Variants in RANBP10 observed in about 807,000 individuals in gnomAD.
RANBP10 encodes ran-binding protein 10.
Under a neutral mutation model 72.8 loss-of-function variants are expected in RANBP10, and 24 were observed. That is an observed-to-expected ratio of 0.33 (90% CI 0.24 to 0.46). The LOEUF (loss-of-function observed/expected upper bound fraction) is 0.46, where lower values mean the gene tolerates loss of function less well. Among genes scored for constraint, RANBP10 ranks in the 20% least tolerant of loss-of-function variants. RANBP10 has a pLI of 1.00. For missense variants in RANBP10, 679 were observed against 817.5 expected (o/e 0.83, Z 2.07); for synonymous variants, 310 against 322.3 (o/e 0.96, Z 0.41).
intron 3 of RANBP10, among the ~76,000 whole-genome samples, chr16:67,766,643 C>T (rs531389503): frequency 6.6e-6 from 1 of 152,298 alleles, no homozygotes; most frequent in South Asian, 2.1e-4. Flanking sequence ...TCACCAGAAG[C>T]AGATGCTGGA....
At chr16:67,758,596 G>A (rs934186832) in intron 3 of RANBP10, among the ~76,000 whole-genome samples, 2 of 152,164 alleles carry the variant, frequency 1.3e-5, no homozygotes, top group East Asian at 1.9e-4. Context: ...ACTGGTCTCC[G>A]CTCTGCTTCA....
intron 3 of RANBP10, among the ~76,000 whole-genome samples, chr16:67,770,881 G>C (rs962223468): frequency 1.3e-5 from 2 of 152,208 alleles, no homozygotes; most frequent in Non-Finnish European, 2.9e-5. Context: ...GAGCCAACCA[G>C]AAGGTTGAGA....
At chr16:67,776,094 G>A (rs901002406) in intron 2 of RANBP10, among the ~76,000 whole-genome samples, 6 of 149,958 alleles carry the variant, frequency 4.0e-5, no homozygotes, top group Non-Finnish European at 8.9e-5. Context: ...GCAGTGAGCC[G>A]AGATCACACC....
Position 67,796,146 on chromosome 16 carries a change from G to A in RANBP10, c.347+9282C>T, listed in dbSNP as rs2055130805. ...TCGGCCAGGCTGGTTTCAAACTCCT[G>A]ACCTTGTGATCCGCCTGCCTCGGCC... On this transcript the variant is annotated intron_variant, in intron 2 of 13. Transcript: ENST00000317506. Among the ~76,000 whole-genome samples, 3 of 152,004 alleles carry A rather than the reference G, an allele frequency of 2.0e-5. No homozygotes were observed. The South Asian group carries it at 6.2e-4, about 32-fold the overall frequency.
At chr16:67,766,010 A>G (rs1456147932) in intron 3 of RANBP10, among the ~76,000 whole-genome samples, 5 of 152,112 alleles carry the variant, frequency 3.3e-5, no homozygotes, top group African/African-American at 1.2e-4. Context: ...ACCCTGTCTC[A>G]GATAAATAAA....
chr16:67,784,081 AAAGTTATAG>A (rs2054864120), intron 2 of RANBP10, among the ~76,000 whole-genome samples: 1 of 152,054 alleles, frequency 6.6e-6, no homozygotes, highest in Non-Finnish European at 1.5e-5. Flanking sequence ...AAAGGAAAAG[AAAGTTATAG>A]AGCAATATAG....
At chr16:67,797,149 C>A (rs1035081847) in intron 2 of RANBP10, among the ~76,000 whole-genome samples, 1 of 152,234 alleles carries the variant, frequency 6.6e-6, no homozygotes, top group East Asian at 1.9e-4. Context: ...AACAAGGAAT[C>A]TCCCTTACAC....
chr16:67,773,648 G>C (rs2054646462), intron 2 of RANBP10, among the ~76,000 whole-genome samples: 1 of 152,152 alleles, frequency 6.6e-6, no homozygotes, highest in South Asian at 2.1e-4. Flanking sequence ...AACAAGGAAA[G>C]GAAACAACCC....
At chr16:67,739,576 C>G (rs1276946538) in intron 4 of RANBP10, among the ~76,000 whole-genome samples, 1 of 152,060 alleles carries the variant, frequency 6.6e-6, no homozygotes, top group Non-Finnish European at 1.5e-5. Flanking sequence ...CTCTTGAGAA[C>G]AGAAGTTCAA....
intron 3 of RANBP10, among the ~76,000 whole-genome samples, chr16:67,756,406 G>C (rs886290076): frequency 6.6e-6 from 1 of 152,242 alleles, no homozygotes; most frequent in Non-Finnish European, 1.5e-5. Context: ...AGGACACAGG[G>C]GCCAGCTACG....
At chr16:67,802,645 AAATT>A (rs1455683182) in intron 2 of RANBP10, among the ~76,000 whole-genome samples, 4 of 152,186 alleles carry the variant, frequency 2.6e-5, no homozygotes, top group Non-Finnish European at 4.4e-5. Flanking sequence ...GCAAATAAAT[AAATT>A]AATTAATTAA....
At chr16:67,743,024 T>C (rs2053999120) in intron 4 of RANBP10, among the ~76,000 whole-genome samples, 1 of 152,192 alleles carries the variant, frequency 6.6e-6, no homozygotes, top group South Asian at 2.1e-4. Context: ...CTCGGCTGCC[T>C]AGCTACCAAG....
chr16:67,726,262 G>A lies in RANBP10; in HGVS notation c.*166C>T. 1 of 1,009,106 alleles carries A rather than the reference G, an allele frequency of 9.9e-7. No homozygotes were observed. Among genetic ancestry groups the A allele is most frequent in the Non-Finnish European group, 1.4e-6 (1 of 694,924 alleles). The allele number at this position is 1,009,106 out of a possible 1,614,324, so 62.5% of individuals were successfully genotyped here. On this transcript the variant is annotated 3_prime_UTR_variant, in exon 14 of 14. Transcript: ENST00000317506. ...AGAGAGAGACTGAGCGGGGTGGTGG[G>A]CAGAGAAAGGAAGGAAGGAAGGAAA...
intron 5 of RANBP10, among the ~76,000 whole-genome samples, chr16:67,736,218 A>G (rs2053844156): frequency 6.6e-6 from 1 of 151,804 alleles, no homozygotes; most frequent in African/African-American, 2.4e-5. Flanking sequence ...CTGGAGTGCA[A>G]TGGCGCGATT....
chr16:67,731,570 TA>T lies in RANBP10; in HGVS notation c.790del (p.Tyr264ThrfsTer17). 6.2e-7 allele frequency: 1 copy of T among 1,613,782 alleles called. No homozygotes were observed. Among genetic ancestry groups the T allele is most frequent in the Non-Finnish European group, 8.5e-7 (1 of 1,179,812 alleles). ...GGCACAATACCCATGATGCACGAGG[TA>T]AGATGAAACCATGCTAGAAGAAAGG... ...QAVLQNMVSS[Y>X]LVHHGYCATA... On this transcript the variant is annotated frameshift_variant, in exon 7 of 14. Coordinates refer to ENST00000317506, the MANE Select transcript of RANBP10 (RefSeq NM_020850.3). LOFTEE classifies it high-confidence loss of function.
intron 3 of RANBP10, among the ~76,000 whole-genome samples, chr16:67,755,355 G>A (rs1163825550): frequency 6.6e-6 from 1 of 152,188 alleles, no homozygotes; most frequent in Non-Finnish European, 1.5e-5. Flanking sequence ...GCCAGAGATG[G>A]CTGTCTCAGA....
At chr16:67,752,341 T>C (rs2054212509) in intron 3 of RANBP10, among the ~76,000 whole-genome samples, 1 of 152,288 alleles carries the variant, frequency 6.6e-6, no homozygotes, top group East Asian at 1.9e-4. Context: ...AGATGGAGGA[T>C]GCAGCCATGA....
Position 67,729,469 on chromosome 16 carries a change from C to G in RANBP10, c.1163G>C (p.Ser388Thr). The G allele has an allele frequency of 3.1e-6, 5 of 1,612,346 alleles. No individual in the cohort carries two copies. The highest frequency in any genetic ancestry group is 4.2e-6 in the Non-Finnish European group (5 of 1,179,422). The stretch of plus-strand genomic sequence containing the variant: ...GGTGGACGCGACGCCATTGCTACAG[C>G]TGGGACTGTCTGCTCCTAGAAGCCA... ...HMHNTGADSP[S>T]CSNGVASTKS... Residue 388 changes from serine to threonine, a missense_variant, in exon 10 of 14, where the codon AGC becomes ACC. Transcript: ENST00000317506. This position sits in a 1 kb window ranked among gnomAD's most constrained non-coding sequence, Gnocchi z 7.1.
In RANBP10 at chr16:67,744,430, G is replaced by A; in HGVS notation, c.426C>T (p.Tyr142=). The A allele has an allele frequency of 1.9e-6, 3 of 1,614,000 alleles. No homozygotes were observed. The highest frequency in any genetic ancestry group is 2.5e-6 in the Non-Finnish European group (3 of 1,179,926). ...AGAACGAATGCCCATCATCACCATG[G>A]TAACCATAGGAATGTTTGTCCCAAC... ...LPGWDKHSYG[Y]HGDDGHSFCS... is the part of the protein sequence containing the mutation. The change falls in exon 4 of 14, where the codon TAC becomes TAT. Residue 142 remains tyrosine, a synonymous_variant. Coordinates refer to ENST00000317506, the MANE Select transcript of RANBP10 (RefSeq NM_020850.3).
Sources: gnomAD v4.1 joint callset for allele counts (sites outside exome capture counted in the v4.1 genomes callset) on GRCh38, gnomAD v4.1.1 for gene constraint, Gnocchi (gnomAD v3.1) non-coding constraint, MANE v1.5 for transcripts, NCBI Gene and HGNC (gene_info 2026-07-23, HGNC 2026-07-21) for gene names.